Variants in CMPK1 observed in about 807,000 individuals in gnomAD.
The protein encoded by CMPK1 is UMP-CMP kinase.
In CMPK1, 10 loss-of-function variants were observed where a neutral mutation model predicts 25.7. That is an observed-to-expected ratio of 0.39 (90% CI 0.24 to 0.66). CMPK1 has a LOEUF of 0.66. CMPK1 is among the 30% of genes least tolerant of loss of function. CMPK1 has a pLI of 0.48. For missense variants in CMPK1, 199 were observed against 280.5 expected, an observed-to-expected ratio of 0.71 and a Z score of 2.08; for synonymous variants, 106 against 101.5, an observed-to-expected ratio of 1.04 and a Z score of -0.27.
chr1:47,369,630 C>T (rs1353120225), intron 2 of CMPK1, among the ~76,000 whole-genome samples: 5 of 151,462 alleles, frequency 3.3e-5, no homozygotes, highest in Non-Finnish European at 7.4e-5. Flanking sequence ...GGCGCGATCT[C>T]GGCTCACTGC....
chr1:47,350,330 G>A (rs775224616), intron 1 of CMPK1, among the ~76,000 whole-genome samples: 19 of 151,816 alleles, frequency 1.3e-4, no homozygotes, highest in Non-Finnish European at 2.5e-4. Context: ...TCTACTTTTC[G>A]GGCTCAGGTG....
chr1:47,344,709 G>A (rs1209947992), intron 1 of CMPK1, among the ~76,000 whole-genome samples: 1 of 151,944 alleles, frequency 6.6e-6, no homozygotes, highest in East Asian at 1.9e-4. Flanking sequence ...ATGTTGGCCA[G>A]GCTGGTCTCG....
intron 2 of CMPK1, among the ~76,000 whole-genome samples, chr1:47,370,679 C>G (rs1646672095): frequency 6.7e-6 from 1 of 150,106 alleles, no homozygotes; most frequent in South Asian, 2.1e-4. Flanking sequence ...TGGCTCACGC[C>G]TGTAATCCCA....
chr1:47,344,591 C>T (rs931909881), intron 1 of CMPK1, among the ~76,000 whole-genome samples: 5 of 151,774 alleles, frequency 3.3e-5, no homozygotes, highest in East Asian at 1.9e-4. Flanking sequence ...CTCCACTTCC[C>T]GGGTTCAAGC....
Position 47,346,504 on chromosome 1 carries a change from CT to C in CMPK1, c.171+12398del, listed in dbSNP as rs200318065. 2.6e-4 allele frequency among the ~76,000 whole-genome samples: 39 copies of C among 149,570 alleles called. 2 individuals are homozygous for C. The East Asian group carries it at 5.9e-3, about 23-fold the overall frequency. On this transcript the variant is annotated intron_variant, in intron 1 of 5. Coordinates refer to ENST00000371873, the MANE Select transcript of CMPK1 (RefSeq NM_016308.3). ...CCCTGTCTCTTTTCTTTCTCTCTCTCTTTTTTTTTTCTTTTTTGAGTCGGAG... is the reference window on the plus strand; with the variant it reads ...CCCTGTCTCTTTTCTTTCTCTCTCTCTTTTTTTTTCTTTTTTGAGTCGGAG...
At chr1:47,355,751 C>A (rs1646556415) in intron 1 of CMPK1, among the ~76,000 whole-genome samples, 1 of 151,934 alleles carries the variant, frequency 6.6e-6, no homozygotes, top group African/African-American at 2.4e-5. Flanking sequence ...GGACTACAGG[C>A]ATGTACCACC....
Position 47,376,844 on chromosome 1 carries a change from C to T in CMPK1, c.*99C>T, listed in dbSNP as rs1019903392. 2 of 657,808 alleles carry T rather than the reference C, an allele frequency of 3.0e-6. No homozygotes were observed. Among genetic ancestry groups the T allele is most frequent in the Admixed American group, 2.8e-5 (1 of 35,674 alleles). The allele number at this position is 657,808 out of a possible 1,614,324, so 40.7% of individuals were successfully genotyped here. ...AGGCAATTCTAATCTTTCATAACTA[C>T]ATCTCAATTAGTGGCTGGAAAGTAC... On this transcript the variant is annotated 3_prime_UTR_variant, in exon 6 of 6. Coordinates refer to ENST00000371873, the MANE Select transcript of CMPK1 (RefSeq NM_016308.3).
intron 5 of CMPK1, 91 bp downstream of exon 5, chr1:47,375,384 C>A: frequency 1.2e-6 from 1 of 829,790 alleles, no homozygotes; most frequent in Non-Finnish European, 1.9e-6. Flanking sequence ...GAAATACTAT[C>A]ACAGATTAGT....
In CMPK1 at chr1:47,373,172, C is replaced by T. The variant is rs1191886613; in HGVS notation, c.471+65C>T. The stretch of plus-strand genomic sequence containing the variant: ...ACTGTTAGTCAACTATTAGAAAAAA[C>T]AAAGGATTTTTTAACTTATATTTTA... On this transcript the variant is annotated intron_variant, in intron 3 of 5. Coordinates refer to ENST00000371873, the MANE Select transcript of CMPK1 (RefSeq NM_016308.3). 2.1e-6 allele frequency: 3 copies of T among 1,440,084 alleles called. No homozygotes were observed. In the East Asian group the frequency reaches 7.1e-5, roughly 34 times the overall value. The allele number at this position is 1,440,084 out of a possible 1,614,324, so 89.2% of individuals were successfully genotyped here.
intron 1 of CMPK1, among the ~76,000 whole-genome samples, chr1:47,345,942 A>T (rs1488737106): frequency 6.7e-6 from 1 of 149,754 alleles, no homozygotes; most frequent in Non-Finnish European, 1.5e-5. Context: ...TTTGGTAGAG[A>T]TGGGGATTCA....
At chr1:47,372,796 CTTTCTTT>C (rs1646685286) in intron 2 of CMPK1, among the ~76,000 whole-genome samples, 152 bp from the exon 3 acceptor site, 1 of 118,376 alleles carries the variant, frequency 8.4e-6, no homozygotes, top group Non-Finnish European at 1.7e-5. Context: ...TTTTTTCTTT[CTTTCTTT>C]TTTTCTTTTC....
chr1:47,357,839 G>A (rs1646573344), intron 1 of CMPK1, among the ~76,000 whole-genome samples: 1 of 151,936 alleles, frequency 6.6e-6, no homozygotes, highest in Non-Finnish European at 1.5e-5. Flanking sequence ...TCTTGAGGGT[G>A]GGGCTTCCAT....
At chr1:47,343,519 A>G (rs1449069687) in intron 1 of CMPK1, among the ~76,000 whole-genome samples, 1 of 142,924 alleles carries the variant, frequency 7.0e-6, no homozygotes, top group Non-Finnish European at 1.5e-5. Context: ...AAAAAAAAAA[A>G]GTCTCAAAAA....
chr1:47,335,721 TA>T (rs1221620977), intron 1 of CMPK1, among the ~76,000 whole-genome samples: 5 of 152,100 alleles, frequency 3.3e-5, no homozygotes, highest in Middle Eastern at 3.4e-3. Flanking sequence ...TACATCCTCT[TA>T]AAAAAATTTT....
At position 47,374,923 on chromosome 1, in the gene CMPK1, A is replaced by G; in HGVS notation, c.486A>G (p.Arg162=). ...FDCNNEICIE[R]CLERGKSSGR... Reference sequence around the variant, plus strand: ...TCTCTTTTTAGATTTGTATTGAACGATGTCTTGAGAGGGGAAAGAGTAGTG... The same window carrying G: ...TCTCTTTTTAGATTTGTATTGAACGGTGTCTTGAGAGGGGAAAGAGTAGTG... The change falls in exon 4 of 6, where the codon CGA becomes CGG. Residue 162 remains arginine, a synonymous_variant. Coordinates refer to ENST00000371873, the MANE Select transcript of CMPK1 (RefSeq NM_016308.3). 1 of 1,611,488 alleles carries G rather than the reference A, an allele frequency of 6.2e-7. No homozygotes were observed. The highest frequency in any genetic ancestry group is 8.5e-7 in the Non-Finnish European group (1 of 1,177,916).
Position 47,334,068 on chromosome 1 carries a change from C to A in CMPK1, c.123C>A (p.Leu41=). Residue 41 remains leucine (L), a synonymous_variant, in exon 1 of 6, where the codon CTC becomes CTA. Transcript: ENST00000371873. The part of the protein sequence containing the change: ...RLMKPLVVFV[L]GGPGAGKGTQ... Reference sequence around the variant, plus strand: ...TGAAGCCGCTGGTCGTGTTCGTCCTCGGCGGCCCCGGCGCCGGCAAGGGGA... The same window carrying A: ...TGAAGCCGCTGGTCGTGTTCGTCCTAGGCGGCCCCGGCGCCGGCAAGGGGA... The A allele has an allele frequency of 6.5e-7, 1 of 1,541,240 alleles. No individual in the cohort carries two copies. Among genetic ancestry groups the A allele is most frequent in the Non-Finnish European group, 8.7e-7 (1 of 1,143,016 alleles).
At position 47,376,613 on chromosome 1, in the gene CMPK1, G is replaced by A. The variant is rs12081190; in HGVS notation, c.646-91G>A. The A allele has an allele frequency of 2.4e-3, 1,929 of 809,950 alleles. 21 individuals carry two copies. The African/African-American group carries it at 0.028, about 12-fold the overall frequency. 50.2% of individuals were successfully genotyped at this position (809,950 alleles called of 1,614,324 possible). A position where few individuals can be genotyped will look rare whatever the true frequency, so the allele number is the denominator to read the frequency against. ...TTACAGATGTGAGCCACCGCGCCCC[G>A]CCAAATTTGATTATTTTTAATAAGA... On this transcript the variant is annotated intron_variant, in intron 5 of 5. Transcript: ENST00000371873.
intron 1 of CMPK1, among the ~76,000 whole-genome samples, chr1:47,354,942 G>A (rs996739347): frequency 1.6e-4 from 24 of 151,720 alleles, no homozygotes; most frequent in African/African-American, 5.6e-4. Context: ...TGAAGATACT[G>A]GTTTCTCCAT....
intron 1 of CMPK1, among the ~76,000 whole-genome samples, chr1:47,347,943 T>A (rs1404373289): frequency 1.3e-5 from 2 of 152,162 alleles, no homozygotes; most frequent in Non-Finnish European, 2.9e-5. Flanking sequence ...TGATCTTAAG[T>A]TGAAAATTAA....
Sources: allele counts gnomAD v4.1 joint callset (sites outside exome capture counted in the v4.1 genomes callset), GRCh38; gene constraint gnomAD v4.1.1; transcripts MANE v1.5; gene names NCBI Gene and HGNC (gene_info 2026-07-23, HGNC 2026-07-21).